Variants in NDUFS4 observed in about 807,000 individuals in gnomAD.
NDUFS4 encodes the protein NADH:ubiquinone oxidoreductase subunit S4, also known as NADH dehydrogenase [ubiquinone] iron-sulfur protein 4, mitochondrial.
A neutral mutation model predicts 24.3 loss-of-function variants in NDUFS4; 28 were observed. That is an observed-to-expected ratio of 1.15 (90% CI 0.85 to 1.58). The LOEUF is 1.58. Ranked by LOEUF, NDUFS4 falls within the 40% of genes most tolerant of loss-of-function variation. The probability of loss-of-function intolerance (pLI) is 0.00; values close to 1 mark genes in which losing one functional copy is unlikely to be tolerated. For missense variants in NDUFS4, 223 were observed against 207.9 expected (o/e 1.07, Z -0.45); for synonymous variants, 93 against 69.7 (o/e 1.34, Z -1.67).
chr5:53,587,240 G>C (rs72751832), intron 1 of NDUFS4, among the ~76,000 whole-genome samples: 1 of 151,928 alleles, frequency 6.6e-6, no homozygotes, highest in African/African-American at 2.4e-5. Context: ...CTTGGAGTCC[G>C]TTTATGCATA....
intron 4 of NDUFS4, among the ~76,000 whole-genome samples, chr5:53,667,430 A>C (rs1205100470): frequency 1.4e-5 from 2 of 147,834 alleles, no homozygotes; most frequent in African/African-American, 5.0e-5. Flanking sequence ...GTGCCATTGC[A>C]CTCCAGCCTG....
chr5:53,564,687 G>A (rs1748962793), intron 1 of NDUFS4, among the ~76,000 whole-genome samples: 4 of 152,096 alleles, frequency 2.6e-5, no homozygotes, highest in Admixed American at 2.6e-4. Flanking sequence ...CTGTAGGTGT[G>A]CTTGCCACCA....
intron 2 of NDUFS4, among the ~76,000 whole-genome samples, chr5:53,607,255 G>GC (rs1442168099): frequency 1.3e-5 from 2 of 152,136 alleles, no homozygotes; most frequent in African/African-American, 4.8e-5. Context: ...CAACCGTTGT[G>GC]CCCATCTCTC....
At chr5:53,603,045 A>T (rs1750374913) in intron 1 of NDUFS4, among the ~76,000 whole-genome samples, 1 of 152,112 alleles carries the variant, frequency 6.6e-6, no homozygotes, top group African/African-American at 2.4e-5. Flanking sequence ...TTTTATTATG[A>T]TTGGGATTTT....
chr5:53,590,282 A>T (rs1374234722), intron 1 of NDUFS4, among the ~76,000 whole-genome samples: 3 of 152,218 alleles, frequency 2.0e-5, no homozygotes, highest in African/African-American at 7.2e-5. Context: ...TTACATTTTC[A>T]TAAGCATATT....
At chr5:53,632,942 C>T (rs895969668) in intron 2 of NDUFS4, among the ~76,000 whole-genome samples, 2 of 152,108 alleles carry the variant, frequency 1.3e-5, no homozygotes, top group African/African-American at 4.8e-5. Flanking sequence ...TATTGATGTT[C>T]TCAATTCTCT....
intron 1 of NDUFS4, chr5:53,573,786 G>C (rs1326383486): frequency 3.9e-6 from 1 of 258,770 alleles, no homozygotes; most frequent in Non-Finnish European, 7.7e-6. Context: ...GTAGAGACAG[G>C]TTGCTATATT....
intron 1 of NDUFS4, among the ~76,000 whole-genome samples, chr5:53,587,119 C>T (rs991659451): frequency 5.3e-5 from 8 of 151,928 alleles, no homozygotes; most frequent in African/African-American, 1.2e-4. Context: ...CCATTGCACC[C>T]GGCCGAGTTA....
At chr5:53,647,024 A>G (rs1056111792) in intron 3 of NDUFS4, among the ~76,000 whole-genome samples, 1 of 151,762 alleles carries the variant, frequency 6.6e-6, no homozygotes, top group South Asian at 2.1e-4. Flanking sequence ...TGTTTATAAT[A>G]TAGTGACACT....
chr5:53,605,850 C>G (rs1750481244), intron 2 of NDUFS4, among the ~76,000 whole-genome samples: 1 of 151,732 alleles, frequency 6.6e-6, no homozygotes, highest in Non-Finnish European at 1.5e-5. Context: ...TCATCTCTAC[C>G]AAAAATACAA....
chr5:53,682,593 G>A (rs766229127), intron 4 of NDUFS4, among the ~76,000 whole-genome samples: 10 of 151,988 alleles, frequency 6.6e-5, no homozygotes, highest in Non-Finnish European at 1.5e-4. Context: ...AAGTCCAGGG[G>A]ATTGAACCAA....
intron 1 of NDUFS4, among the ~76,000 whole-genome samples, chr5:53,590,987 T>G (rs893949476): frequency 4.6e-5 from 7 of 152,204 alleles, no homozygotes; most frequent in Admixed American, 3.9e-4. Context: ...TCTGTTTCTG[T>G]GAGTTTGACT....
intron 2 of NDUFS4, among the ~76,000 whole-genome samples, chr5:53,612,166 T>G (rs1750716421): frequency 6.6e-6 from 1 of 152,110 alleles, no homozygotes; most frequent in Non-Finnish European, 1.5e-5. Flanking sequence ...TTATATAAAT[T>G]ATGTTGGCTG....
chr5:53,593,339 G>GT (rs1750033847), intron 1 of NDUFS4, among the ~76,000 whole-genome samples: 1 of 150,606 alleles, frequency 6.6e-6, no homozygotes, highest in African/African-American at 2.4e-5. Flanking sequence ...ATATTTCCCT[G>GT]TTTTTTTAAT....
chr5:53,604,926 T>A (rs1037704416), intron 2 of NDUFS4: 1 of 455,016 alleles, frequency 2.2e-6, no homozygotes, highest in Non-Finnish European at 4.4e-6. Flanking sequence ...TAGTCAAGTA[T>A]AAAAGAAATG....
chr5:53,667,165 A>G lies in NDUFS4; in HGVS notation c.424+8541A>G, dbSNP rs542433451. On this transcript the variant is annotated intron_variant, in intron 4 of 4. Transcript: ENST00000296684. ...TCTAAATAAACACCATTGAAGCATT[A>G]CAGAAGTGGAGGTGGGGAGGCCAGG... Among the ~76,000 whole-genome samples the G allele has an allele frequency of 2.2e-4, 34 of 152,084 alleles. No homozygotes were observed. The South Asian group carries it at 5.0e-3, about 22-fold the overall frequency.
intron 4 of NDUFS4, among the ~76,000 whole-genome samples, chr5:53,681,112 T>C (rs1265958375): frequency 6.6e-6 from 1 of 152,154 alleles, no homozygotes; most frequent in East Asian, 1.9e-4. Flanking sequence ...AAGTTGTGAA[T>C]CAAATTTGAG....
chr5:53,632,316 T>A lies in NDUFS4; in HGVS notation c.178-13917T>A, dbSNP rs1751432723. Among the ~76,000 whole-genome samples, 5 of 152,226 alleles carry A rather than the reference T, an allele frequency of 3.3e-5. No homozygotes were observed. The South Asian group carries it at 1.0e-3, about 32-fold the overall frequency. ...TGATCAGCTTAATCCTTTTAGTGATTGATATTAAGCATTGTATGGGCAGTC... is the reference window on the plus strand; with the variant it reads ...TGATCAGCTTAATCCTTTTAGTGATAGATATTAAGCATTGTATGGGCAGTC... On this transcript the variant is annotated intron_variant, in intron 2 of 4. Transcript: ENST00000296684.
intron 4 of NDUFS4, 176 bp downstream of exon 4, chr5:53,658,800 A>AAC: frequency 1.7e-6 from 1 of 589,542 alleles, no homozygotes; most frequent in Non-Finnish European, 3.0e-6. Flanking sequence ...AAAAAAAAAA[A>AAC]AAAACCTAAA....
Sources: allele counts gnomAD v4.1 joint callset (sites outside exome capture counted in the v4.1 genomes callset), GRCh38; gene constraint gnomAD v4.1.1; transcripts MANE v1.5; gene names NCBI Gene and HGNC (gene_info 2026-07-23, HGNC 2026-07-21).